CFAP20DC: variants seen among roughly 807,000 people sequenced by gnomAD.
CFAP20DC encodes the protein protein CFAP20DC.
A neutral mutation model predicts 101.7 loss-of-function variants in CFAP20DC; 84 were observed. The ratio of observed to expected loss-of-function variants is 0.83; its 90% confidence interval spans 0.69 to 0.99. The LOEUF (loss-of-function observed/expected upper bound fraction) is 0.99. CFAP20DC is among the 50% of genes least tolerant of loss of function. The pLI is 0.00. For missense variants in CFAP20DC, 1,007 were observed against 970.3 expected, an observed-to-expected ratio of 1.04 and a Z score of -0.50; for synonymous variants, 359 against 351.2, an observed-to-expected ratio of 1.02 and a Z score of -0.25.
rs1009496943 is a variant in CFAP20DC at position 58,971,553 on chromosome 3, A to G, written c.279-33791T>C. 6.6e-6 allele frequency among the ~76,000 whole-genome samples: 1 copy of G among 152,084 alleles called. No homozygotes were observed. The highest frequency in any genetic ancestry group is 2.4e-5 in the African/African-American group (1 of 41,416). On this transcript the variant is annotated intron_variant, in intron 4 of 16. Transcript: ENST00000482387. The surrounding 1 kb of genome is among the most constrained non-coding windows in gnomAD (Gnocchi z 4.1). ...ATTTTTACACGAAAATCTCACACATATTTAAATAGAGGACATTTCACAGGT... is the reference window on the plus strand; with the variant it reads ...ATTTTTACACGAAAATCTCACACATGTTTAAATAGAGGACATTTCACAGGT...
intron 14 of CFAP20DC, among the ~76,000 whole-genome samples, chr3:58,821,203 C>G (rs1413883058): frequency 2.0e-5 from 3 of 152,028 alleles, no homozygotes; most frequent in South Asian, 2.1e-4. Flanking sequence ...AGAAGAAAAC[C>G]TAGGCATTAC....
chr3:58,921,728 A>G (rs1364192236), intron 5 of CFAP20DC, among the ~76,000 whole-genome samples: 1 of 152,208 alleles, frequency 6.6e-6, no homozygotes. Context: ...ACAAATGTCA[A>G]ATAGGTCAGA....
chr3:58,914,078 G>C lies in CFAP20DC; in HGVS notation c.394-214C>G, dbSNP rs544600127. On this transcript the variant is annotated intron_variant, in intron 5 of 16. Transcript: ENST00000482387. This position sits in a 1 kb window ranked among gnomAD's most constrained non-coding sequence, Gnocchi z 4.9. Reference sequence around the variant, plus strand: ...CACCATAATTCTAAATTACACATTGGTCATCTGACTACAGAATTCCCATCA... The same window carrying C: ...CACCATAATTCTAAATTACACATTGCTCATCTGACTACAGAATTCCCATCA... Among the ~76,000 whole-genome samples, 3 of 152,140 alleles carry C rather than the reference G, an allele frequency of 2.0e-5. No homozygotes were observed. In the East Asian group the frequency reaches 5.8e-4, roughly 29 times the overall value.
chr3:58,951,843 C>T (rs1400022740), intron 4 of CFAP20DC, among the ~76,000 whole-genome samples: 2 of 152,014 alleles, frequency 1.3e-5, no homozygotes, highest in Non-Finnish European at 2.9e-5. Flanking sequence ...ACCAACATGG[C>T]ACATGTATAC....
chr3:59,049,747 G>C lies in CFAP20DC; in HGVS notation c.-116C>G. Reference sequence around the variant, plus strand: ...ACCCAGGAGCCCGACGGGTGGGAAAGGGCTTCGTGCTTGGCCCAGACTTGG... The same window carrying C: ...ACCCAGGAGCCCGACGGGTGGGAAACGGCTTCGTGCTTGGCCCAGACTTGG... On this transcript the variant is annotated 5_prime_UTR_variant, in exon 1 of 17. Transcript: ENST00000482387. 7.7e-7 allele frequency: 1 copy of C among 1,306,248 alleles called. No individual in the cohort carries two copies. The highest frequency in any genetic ancestry group is 1.0e-6 in the Non-Finnish European group (1 of 959,252). The allele number at this position is 1,306,248 out of a possible 1,614,324, so 80.9% of individuals were successfully genotyped here. A position where few individuals can be genotyped will look rare whatever the true frequency, so the allele number is the denominator to read the frequency against.
At chr3:58,758,729 T>G (rs1293506193) in intron 15 of CFAP20DC, among the ~76,000 whole-genome samples, 3 of 152,028 alleles carry the variant, frequency 2.0e-5, no homozygotes, top group African/African-American at 7.2e-5. Flanking sequence ...GATTTTTCCC[T>G]TCCTGTGTCC....
At chr3:58,726,940 A>G (rs1165185991) in intron 3 of CFAP20DC, 4 of 244,908 alleles carry the variant, frequency 1.6e-5, no homozygotes, top group African/African-American at 4.8e-5. Flanking sequence ...CCTTCCACTC[A>G]CGCCATCAGA....
chr3:58,831,610 G>A (rs2076394707), intron 14 of CFAP20DC, 76 bp downstream of exon 14: 2 of 1,306,890 alleles, frequency 1.5e-6, no homozygotes, highest in African/African-American at 2.9e-5. Context: ...GCTTTTCCAG[G>A]CAAAGCTGGG....
chr3:58,963,229 TG>T (rs2091294650), intron 4 of CFAP20DC, among the ~76,000 whole-genome samples: 1 of 148,960 alleles, frequency 6.7e-6, no homozygotes, highest in Non-Finnish European at 1.5e-5. Context: ...TGTGTGTGTG[TG>T]TGTGTGTGTG....
intron 16 of CFAP20DC, among the ~76,000 whole-genome samples, chr3:58,747,669 G>T (rs2068300003): frequency 6.6e-6 from 1 of 152,112 alleles, no homozygotes; most frequent in African/African-American, 2.4e-5. Flanking sequence ...TCAACAGTGA[G>T]GGATCACCAT....
intron 1 of CFAP20DC, 125 bp downstream of exon 1, chr3:59,049,486 T>C (rs765328184): frequency 4.9e-5 from 45 of 910,338 alleles, no homozygotes; most frequent in Non-Finnish European, 3.5e-5. Flanking sequence ...CCATTAATTC[T>C]GTCTTACCCC....
Position 58,942,897 on chromosome 3 carries a change from G to A in CFAP20DC, c.279-5135C>T, listed in dbSNP as rs143379383. Among the ~76,000 whole-genome samples the A allele has an allele frequency of 3.1e-3, 474 of 152,244 alleles. 4 individuals are homozygous for A. Among genetic ancestry groups the A allele is most frequent in the Middle Eastern group, 0.014 (4 of 294 alleles). ...ACTAGAGTTTGGTGGGGGAAGCGGC[G>A]TCTGCCATTACTAAGGCTCAAGTAA... is the stretch of plus-strand genomic sequence containing the variant. On this transcript the variant is annotated intron_variant, in intron 4 of 16. Coordinates refer to ENST00000482387, the MANE Select transcript of CFAP20DC (RefSeq NM_001394063.1).
At chr3:58,895,228 G>A (rs1048363347) in intron 6 of CFAP20DC, among the ~76,000 whole-genome samples, 7 of 152,238 alleles carry the variant, frequency 4.6e-5, no homozygotes, top group Non-Finnish European at 1.0e-4. Context: ...CTCAGAAAAT[G>A]GGATTTTCTT....
downstream of CFAP20DC, among the ~76,000 whole-genome samples, chr3:58,738,311 T>C (rs1319310535): frequency 1.3e-5 from 2 of 152,164 alleles, no homozygotes; most frequent in Non-Finnish European, 2.9e-5. The surrounding 1 kb of genome is among the most constrained non-coding windows in gnomAD (Gnocchi z 4.4). Flanking sequence ...CCAGCATGCA[T>C]TGGCTATTCT....
rs750334338 is a variant in CFAP20DC, at chr3:58,971,032, A to C, written c.279-33270T>G. On this transcript the variant is annotated intron_variant, in intron 4 of 16. Coordinates refer to ENST00000482387, the MANE Select transcript of CFAP20DC (RefSeq NM_001394063.1). This position sits in a 1 kb window ranked among gnomAD's most constrained non-coding sequence, Gnocchi z 4.1. Reference sequence around the variant, plus strand: ...CACCACCCACTCTCCTAACCTCCCAAGCATACACTTTGCCATAAATTGACA... The same window carrying C: ...CACCACCCACTCTCCTAACCTCCCACGCATACACTTTGCCATAAATTGACA... Among the ~76,000 whole-genome samples, 6 of 152,198 alleles carry C rather than the reference A, an allele frequency of 3.9e-5. No homozygotes were observed. The highest frequency in any genetic ancestry group is 8.8e-5 in the Non-Finnish European group (6 of 68,034).
intron 15 of CFAP20DC, among the ~76,000 whole-genome samples, chr3:58,797,203 A>G (rs905398714): frequency 6.6e-5 from 10 of 152,230 alleles, no homozygotes; most frequent in African/African-American, 2.4e-4. Context: ...TAAAGCCAAC[A>G]CAGGCTGAAA....
intron 3 of CFAP20DC, among the ~76,000 whole-genome samples, chr3:58,736,750 A>G (rs953840732): frequency 6.6e-6 from 1 of 152,234 alleles, no homozygotes; most frequent in Non-Finnish European, 1.5e-5. Context: ...AACATTGACA[A>G]TGATAAGTTG....
chr3:58,930,126 G>C (rs2086434009), intron 5 of CFAP20DC, among the ~76,000 whole-genome samples: 1 of 152,092 alleles, frequency 6.6e-6, no homozygotes, highest in African/African-American at 2.4e-5. Context: ...TCTGACTCTT[G>C]CTCTCACAGA....
chr3:58,725,485 T>G lies in CFAP20DC; in HGVS notation c.198-7857A>C, dbSNP rs577809842. ...ACTAGTCACTGGGTCAGTAACAGTC[T>G]GACTGTAACCAACACGACGGGTGGT... On this transcript the variant is annotated intron_variant, in intron 3 of 3. Coordinates refer to the CFAP20DC transcript ENST00000486145. Among the ~76,000 whole-genome samples, 5 of 152,338 alleles carry G rather than the reference T, an allele frequency of 3.3e-5. No individual in the cohort carries two copies. The South Asian group carries it at 1.0e-3, about 32-fold the overall frequency.
Sources: allele counts gnomAD v4.1 joint callset (sites outside exome capture counted in the v4.1 genomes callset), GRCh38; gene constraint gnomAD v4.1.1; non-coding constraint Gnocchi (gnomAD v3.1); transcripts MANE v1.5; gene names NCBI Gene and HGNC (gene_info 2026-07-23, HGNC 2026-07-21).